Variants in PARD3B observed in about 807,000 individuals in gnomAD.
PARD3B encodes the protein partitioning defective 3 homolog B.
PARD3B carries 103 observed loss-of-function variants against 130.2 expected under a neutral mutation model. The ratio of observed to expected loss-of-function variants is 0.79; its 90% CI spans 0.67 to 0.93. The LOEUF (loss-of-function observed/expected upper bound fraction) is 0.93, where lower values mean the gene tolerates loss of function less well. PARD3B is among the 40% of genes least tolerant of loss of function. The pLI is 0.00. For synonymous variants in PARD3B, 583 were observed against 553.2 expected, an observed-to-expected ratio of 1.05 and a Z score of -0.76; for missense variants, 1,609 against 1,499.2, an observed-to-expected ratio of 1.07 and a Z score of -1.21.
Position 205,615,555 on chromosome 2 carries a change from C to T in PARD3B, c.3360C>T (p.His1120=). 1 of 1,614,168 alleles carries T rather than the reference C, an allele frequency of 6.2e-7. No individual in the cohort carries two copies. Among genetic ancestry groups the T allele is most frequent in the African/African-American group, 1.3e-5 (1 of 75,034 alleles). ...LPYYPGAHPM[H]PPKGSYPRPT... is the part of the protein sequence containing the mutation. ...ATTATCCAGGGGCTCATCCTATGCA[C>T]CCTCCCAAAGGGAGCTATCCCCGCC... Residue 1120 remains histidine (H), a synonymous_variant, in exon 23 of 23, where the codon CAC becomes CAT. Transcript: ENST00000406610.
chr2:205,303,353 G>A (rs914701168), intron 18 of PARD3B, among the ~76,000 whole-genome samples: 2 of 152,104 alleles, frequency 1.3e-5, no homozygotes, highest in African/African-American at 4.8e-5. Context: ...TTTTTAGAGT[G>A]CTCCTTACTA....
chr2:205,246,809 G>A (rs1304273187), intron 16 of PARD3B, among the ~76,000 whole-genome samples: 2 of 152,082 alleles, frequency 1.3e-5, no homozygotes, highest in Non-Finnish European at 2.9e-5. Flanking sequence ...CAGCAGGGAA[G>A]GGCTGGTTCA....
intron 1 of PARD3B, among the ~76,000 whole-genome samples, chr2:204,553,356 C>G (rs1056415219): frequency 1.3e-5 from 2 of 151,862 alleles, no homozygotes; most frequent in African/African-American, 4.8e-5. Flanking sequence ...CCTTAAAGAA[C>G]TAAAAGTAGA....
chr2:205,286,333 A>G (rs62171471), intron 16 of PARD3B, among the ~76,000 whole-genome samples: 4,660 of 152,274 alleles, frequency 0.031, 85 homozygotes, highest in Middle Eastern at 0.058. Flanking sequence ...TGTGCCTGGT[A>G]CAGAGATAGC....
chr2:204,831,925 C>T (rs72934222), intron 2 of PARD3B, among the ~76,000 whole-genome samples: 1,828 of 152,152 alleles, frequency 0.012, 41 homozygotes, highest in Non-Finnish European at 0.012. Flanking sequence ...GTAGAATGTT[C>T]AGTTATTTTA....
intron 1 of PARD3B, chr2:204,558,023 G>A (rs557759945): frequency 2.0e-5 from 3 of 152,238 alleles, no homozygotes; most frequent in Non-Finnish European, 4.4e-5. Flanking sequence ...ATTTTTGACA[G>A]GCATGATATC....
At chr2:205,498,579 A>G (rs2050033282) in intron 20 of PARD3B, among the ~76,000 whole-genome samples, 3 of 152,230 alleles carry the variant, frequency 2.0e-5, no homozygotes, top group Admixed American at 2.0e-4. Flanking sequence ...TGGAAAGGGA[A>G]CATACACCAT....
At chr2:204,645,193 C>T (rs2035230731) in intron 1 of PARD3B, among the ~76,000 whole-genome samples, 1 of 152,130 alleles carries the variant, frequency 6.6e-6, no homozygotes, top group East Asian at 1.9e-4. Flanking sequence ...TTACTCACTT[C>T]ATTGGCTCTA....
At chr2:205,412,440 A>G (rs993529039) in intron 19 of PARD3B, among the ~76,000 whole-genome samples, 1 of 152,222 alleles carries the variant, frequency 6.6e-6, no homozygotes, top group African/African-American at 2.4e-5. Flanking sequence ...GGAGAAACTT[A>G]CATAGATAAT....
chr2:204,596,324 T>A (rs1013174094), intron 1 of PARD3B, among the ~76,000 whole-genome samples: 3 of 152,182 alleles, frequency 2.0e-5, no homozygotes, highest in African/African-American at 7.2e-5. Context: ...GGCTTCATTG[T>A]TTTTCTTTCA....
intron 15 of PARD3B, among the ~76,000 whole-genome samples, chr2:205,209,635 G>A (rs1228936169): frequency 6.6e-6 from 1 of 151,148 alleles, no homozygotes; most frequent in Non-Finnish European, 1.5e-5. Context: ...ATAAATATAG[G>A]TTAAATGAAG....
At chr2:204,551,602 TA>T (rs2030468154) in intron 1 of PARD3B, among the ~76,000 whole-genome samples, 1 of 152,156 alleles carries the variant, frequency 6.6e-6, no homozygotes, top group South Asian at 2.1e-4. Flanking sequence ...CCTCTGTGTA[TA>T]ATCCATGCAC....
intron 21 of PARD3B, among the ~76,000 whole-genome samples, chr2:205,515,090 A>T (rs768093854): frequency 1.3e-5 from 2 of 151,994 alleles, no homozygotes; most frequent in Non-Finnish European, 2.9e-5. Context: ...AACATACAGT[A>T]CTTGGTTTTC....
intron 3 of PARD3B, among the ~76,000 whole-genome samples, chr2:205,037,566 CTA>C (rs962281598): frequency 6.8e-6 from 1 of 146,606 alleles, no homozygotes; most frequent in African/African-American, 2.5e-5. Flanking sequence ...ATACAGTGGA[CTA>C]TATATAAGAT....
At chr2:205,191,831 G>A (rs773645830) in intron 14 of PARD3B, among the ~76,000 whole-genome samples, 2 of 152,236 alleles carry the variant, frequency 1.3e-5, no homozygotes, top group East Asian at 3.9e-4. Context: ...CCACAGTGCT[G>A]TGCTGGTTGA....
chr2:204,867,865 T>C (rs2045486555), intron 2 of PARD3B, among the ~76,000 whole-genome samples: 4 of 152,230 alleles, frequency 2.6e-5, no homozygotes, highest in Non-Finnish European at 4.4e-5. Context: ...TAACTGTTGA[T>C]ATGAGCCAAA....
intron 4 of PARD3B, among the ~76,000 whole-genome samples, chr2:205,102,937 G>A (rs1396551799): frequency 1.3e-5 from 2 of 151,790 alleles, no homozygotes; most frequent in East Asian, 3.9e-4. Flanking sequence ...GTGTGGTGGT[G>A]GGCACCTGTA....
intron 21 of PARD3B, among the ~76,000 whole-genome samples, chr2:205,538,276 T>A (rs1464569524): frequency 8.6e-5 from 13 of 152,010 alleles, no homozygotes; most frequent in Admixed American, 8.5e-4. Flanking sequence ...GAGGACCTGG[T>A]GATGGAAGAG....
At chr2:204,721,107 G>A (rs766405732) in intron 2 of PARD3B, among the ~76,000 whole-genome samples, 3 of 152,194 alleles carry the variant, frequency 2.0e-5, no homozygotes, top group Non-Finnish European at 4.4e-5. Context: ...GGTGGGGAAA[G>A]GTAGTCTGTA....
Sources: gnomAD v4.1 joint callset for allele counts (sites outside exome capture counted in the v4.1 genomes callset) on GRCh38, gnomAD v4.1.1 for gene constraint, MANE v1.5 for transcripts, NCBI Gene and HGNC (gene_info 2026-07-23, HGNC 2026-07-21) for gene names.